NTM: variants seen among roughly 807,000 people sequenced by gnomAD.
NTM encodes the protein IgLON family member 2.
A neutral mutation model predicts 42.1 loss-of-function variants in NTM; 13 were observed. That is an observed-to-expected ratio of 0.31 (90% CI 0.20 to 0.49). The LOEUF is 0.49. NTM is among the 20% of genes least tolerant of loss of function. NTM has a pLI of 0.99. For missense variants in NTM, 373 were observed against 452.8 expected, an observed-to-expected ratio of 0.82 and a Z score of 1.60; for synonymous variants, 187 against 179.2, an observed-to-expected ratio of 1.04 and a Z score of -0.35.
At chr11:132,328,495 T>C (rs2095732748) in intron 7 of NTM, among the ~76,000 whole-genome samples, 1 of 152,120 alleles carries the variant, frequency 6.6e-6, no homozygotes, top group South Asian at 2.1e-4. Context: ...TGGGGGGGTC[T>C]TTGTTTATAG....
At chr11:132,093,782 G>A (rs1312725015) in intron 2 of NTM, among the ~76,000 whole-genome samples, 1 of 152,202 alleles carries the variant, frequency 6.6e-6, no homozygotes, top group Non-Finnish European at 1.5e-5. Context: ...TCATATGCCA[G>A]TAACTAGTAC....
chr11:131,524,198 C>G (rs1022115296), intron 1 of NTM, among the ~76,000 whole-genome samples: 1 of 152,234 alleles, frequency 6.6e-6, no homozygotes, highest in Non-Finnish European at 1.5e-5. Context: ...TTCGCTCTCA[C>G]GCCTTGCTGC....
At chr11:131,607,760 A>T (rs1162681428) in intron 1 of NTM, among the ~76,000 whole-genome samples, 2 of 152,206 alleles carry the variant, frequency 1.3e-5, no homozygotes, top group Non-Finnish European at 2.9e-5. Flanking sequence ...CGTATTTACC[A>T]TCACTCTCCA....
chr11:131,518,993 A>G (rs1346148393), intron 1 of NTM, among the ~76,000 whole-genome samples: 2 of 152,222 alleles, frequency 1.3e-5, no homozygotes, highest in Admixed American at 6.5e-5. Context: ...CTGCAGAAGT[A>G]TCAATAAACA....
chr11:131,869,817 G>A (rs1224427697), intron 1 of NTM, among the ~76,000 whole-genome samples: 1 of 152,176 alleles, frequency 6.6e-6, no homozygotes, highest in East Asian at 1.9e-4. Context: ...GTTAGAGCCT[G>A]GCCCATCCAG....
intron 1 of NTM, among the ~76,000 whole-genome samples, chr11:131,434,526 C>T (rs1948958635): frequency 6.6e-6 from 1 of 152,206 alleles, no homozygotes; most frequent in South Asian, 2.1e-4. Context: ...ATTTGCATTT[C>T]TCTGATGACC....
rs141795050 is a variant in NTM at position 131,668,017 on chromosome 11, A to G, written c.83-243547A>G. 1.9e-3 allele frequency among the ~76,000 whole-genome samples: 294 copies of G among 152,312 alleles called. 1 individual carries two copies. The highest frequency in any genetic ancestry group is 3.0e-3 in the Non-Finnish European group (201 of 68,032). ...CTTGTGCGGCTTGAGCTTCATAATG[A>G]TGAGAGATAGCTTTTGTCGTTCCTA... On this transcript the variant is annotated intron_variant, in intron 1 of 8. Transcript: ENST00000683400.
At chr11:131,783,796 T>C (rs995137478) in intron 1 of NTM, among the ~76,000 whole-genome samples, 1 of 152,074 alleles carries the variant, frequency 6.6e-6, no homozygotes, top group African/African-American at 2.4e-5. Context: ...TTAAACCTCA[T>C]CCAAACTGAA....
At chr11:132,124,569 C>T (rs2065364917) in intron 2 of NTM, among the ~76,000 whole-genome samples, 1 of 152,242 alleles carries the variant, frequency 6.6e-6, no homozygotes, top group South Asian at 2.1e-4. Context: ...TTTTGCACAT[C>T]AGAAAAAGTT....
chr11:132,221,494 C>T (rs2085153212), intron 4 of NTM, among the ~76,000 whole-genome samples: 1 of 152,134 alleles, frequency 6.6e-6, no homozygotes, highest in African/African-American at 2.4e-5. Context: ...CGGTCTGTCC[C>T]CAGAGTGCAG....
chr11:132,160,443 T>G (rs532390764), intron 3 of NTM, among the ~76,000 whole-genome samples: 9 of 152,306 alleles, frequency 5.9e-5, no homozygotes, highest in Non-Finnish European at 1.0e-4. Context: ...GCCTCATCTT[T>G]CAGCCCAGGA....
intron 1 of NTM, among the ~76,000 whole-genome samples, chr11:131,507,431 C>A (rs536171080): frequency 2.6e-5 from 4 of 151,764 alleles, no homozygotes; most frequent in African/African-American, 9.7e-5. Flanking sequence ...TGTTTTGGTA[C>A]CAGTACCATG....
In NTM at chr11:131,789,818, T is replaced by C. The variant is rs536541417; in HGVS notation, c.83-121746T>C. On this transcript the variant is annotated intron_variant, in intron 1 of 8. Coordinates refer to ENST00000683400, the MANE Select transcript of NTM (RefSeq NM_001352005.2). Reference sequence around the variant, plus strand: ...AAAAATACAAAAAATTAGCCGGGTGTGGTGGCGGGAGCCTGTAGTCCCAGC... The same window carrying C: ...AAAAATACAAAAAATTAGCCGGGTGCGGTGGCGGGAGCCTGTAGTCCCAGC... 9.6e-4 allele frequency among the ~76,000 whole-genome samples: 144 copies of C among 150,466 alleles called. 1 individual carries two copies. The highest frequency in any genetic ancestry group is 3.4e-3 in the Middle Eastern group (1 of 290).
At chr11:132,303,800 C>T (rs1481135098) in intron 4 of NTM, among the ~76,000 whole-genome samples, 2 of 149,650 alleles carry the variant, frequency 1.3e-5, no homozygotes, top group Admixed American at 1.3e-4. Context: ...AGGAGAGCTG[C>T]AGCAGTGGCA....
intron 5 of NTM, among the ~76,000 whole-genome samples, chr11:132,309,788 G>A (rs1421674237): frequency 3.3e-5 from 5 of 152,300 alleles, no homozygotes; most frequent in East Asian, 1.9e-4. Flanking sequence ...TAGATCAGGT[G>A]CAGTGCCCTG....
chr11:132,098,683 T>A (rs978124834), intron 2 of NTM, among the ~76,000 whole-genome samples: 3 of 152,254 alleles, frequency 2.0e-5, no homozygotes, highest in Admixed American at 1.3e-4. Flanking sequence ...CTTGCCCCCG[T>A]AGGCAAATAT....
intron 2 of NTM, among the ~76,000 whole-genome samples, chr11:131,987,378 C>CCTATTCTATTCTATT (rs60741014): frequency 0.012 from 1,771 of 147,898 alleles, 21 homozygotes; most frequent in South Asian, 0.027. Flanking sequence ...TCCTATTCCT[C>CCTATTCTATTCTATT]CTATTCTATT....
At chr11:131,574,558 T>C (rs201335804) in intron 1 of NTM, among the ~76,000 whole-genome samples, 1 of 135,562 alleles carries the variant, frequency 7.4e-6, no homozygotes, top group South Asian at 2.3e-4. Context: ...GTGTATGTGC[T>C]TGAGTGTGTG....
At chr11:131,499,346 CCTT>C (rs1273964420) in intron 1 of NTM, among the ~76,000 whole-genome samples, 1 of 152,088 alleles carries the variant, frequency 6.6e-6, no homozygotes, top group African/African-American at 2.4e-5. Context: ...AATGATGACT[CCTT>C]CATAGAGTGA....
Sources: allele counts gnomAD v4.1 joint callset (sites outside exome capture counted in the v4.1 genomes callset), GRCh38; gene constraint gnomAD v4.1.1; transcripts MANE v1.5; gene names NCBI Gene and HGNC (gene_info 2026-07-23, HGNC 2026-07-21).